RPUSD3: variants seen among roughly 807,000 people sequenced by gnomAD.
The protein encoded by RPUSD3 is mitochondrial mRNA pseudouridine synthase RPUSD3.
Under a neutral mutation model 35.1 loss-of-function variants are expected in RPUSD3, and 36 were observed. The ratio of observed to expected loss-of-function variants is 1.02; its 90% CI spans 0.79 to 1.35. The LOEUF (loss-of-function observed/expected upper bound fraction) is 1.35, where lower values mean the gene tolerates loss of function less well. RPUSD3 is among the 40% of genes most tolerant of loss of function. RPUSD3 has a pLI of 0.00. For missense variants in RPUSD3, 486 were observed against 441.9 expected, an observed-to-expected ratio of 1.10 and a Z score of -0.89; for synonymous variants, 202 against 187.8, an observed-to-expected ratio of 1.08 and a Z score of -0.62.
At chr3:9,840,781 G>A (rs997740938) in exon 5 of RPUSD3, 1 of 1,614,020 alleles carries the variant, frequency 6.2e-7, no homozygotes, top group Non-Finnish European at 8.5e-7. Context: ...GACAGCTGGA[G>A]AGGAGTACAA....
chr3:9,840,937 G>C (rs560111824), intron 4 of RPUSD3, 132 bp from the exon 5 acceptor site: 2 of 599,190 alleles, frequency 3.3e-6, no homozygotes, highest in South Asian at 4.4e-5. Flanking sequence ...CAACTCCTGA[G>C]AAACAAGTAA....
rs1410812833 is a variant in RPUSD3, at chr3:9,843,778, CAG to C, written c.125+110_125+111del. Reference sequence around the variant, plus strand: ...TTCTACAGCGGAGGGCACCGAGGCTCAGAGAGGCCAACGGGGCTGTTTTCGGG... The same window carrying C: ...TTCTACAGCGGAGGGCACCGAGGCTCAGAGGCCAACGGGGCTGTTTTCGGG... On this transcript the variant is annotated intron_variant, in intron 1 of 8. Transcript: ENST00000383820. 8 of 1,545,826 alleles carry C rather than the reference CAG, an allele frequency of 5.2e-6. No homozygotes were observed. The African/African-American group carries it at 5.5e-5, about 11-fold the overall frequency.
intron 4 of RPUSD3, chr3:9,841,679 G>C (rs2082106797): frequency 4.3e-6 from 1 of 234,084 alleles, no homozygotes; most frequent in Non-Finnish European, 8.4e-6. Flanking sequence ...ATTTTGCCCA[G>C]GCTGGTCTCG....
chr3:9,841,479 T>TTGTGTG (rs57641804), intron 4 of RPUSD3: 4 of 154,702 alleles, frequency 2.6e-5, no homozygotes, highest in African/African-American at 7.4e-5. Flanking sequence ...AGCTAGGTTT[T>TTGTGTG]TGTGTGTGTG....
At chr3:9,838,144 A>G in exon 9 of RPUSD3, 1 of 1,612,240 alleles carries the variant, frequency 6.2e-7, no homozygotes, top group African/African-American at 1.3e-5. Context: ...TGGAGGTGCA[A>G]GGGCAGCTGG....
At chr3:9,843,791 G>C in intron 1 of RPUSD3, 99 bp downstream of exon 1, 1 of 1,548,378 alleles carries the variant, frequency 6.5e-7, no homozygotes, top group Non-Finnish European at 8.7e-7. Flanking sequence ...AGAGGCCAAC[G>C]GGGCTGTTTT....
At chr3:9,842,307 G>T in intron 2 of RPUSD3, 64 bp from the exon 3 acceptor site, 1 of 1,516,754 alleles carries the variant, frequency 6.6e-7, no homozygotes. Context: ...GCACTAAAGA[G>T]TTTCCAGAGC....
intron 8 of RPUSD3, 57 bp from the exon 9 acceptor site, chr3:9,838,264 C>A (rs536310760): frequency 2.7e-5 from 43 of 1,567,040 alleles, no homozygotes; most frequent in Middle Eastern, 2.3e-4. Flanking sequence ...AGCTGAGTAC[C>A]CAGCTCTAAG....
chr3:9,840,570 C>T, exon 6 of RPUSD3: 2 of 1,614,080 alleles, frequency 1.2e-6, no homozygotes, highest in Non-Finnish European at 1.7e-6. Flanking sequence ...TTCAGGGCAG[C>T]CTGGATCTTC....
At chr3:9,838,062 G>A (rs778232739) in exon 9 of RPUSD3, 16 of 1,605,932 alleles carry the variant, frequency 1.0e-5, no homozygotes, top group Non-Finnish European at 1.4e-5. Context: ...GGAGAAATAA[G>A]GGGGCAGTGG....
chr3:9,841,419 A>AT (rs1454295768), intron 4 of RPUSD3: 3 of 153,648 alleles, frequency 2.0e-5, no homozygotes, highest in African/African-American at 7.3e-5. Flanking sequence ...AGCTCAGGTG[A>AT]TTCTCCCATC....
At chr3:9,843,705 C>T in intron 1 of RPUSD3, 104 bp from the exon 2 acceptor site, 1 of 1,549,734 alleles carries the variant, frequency 6.5e-7, no homozygotes, top group East Asian at 2.4e-5. Context: ...TGACAAATGC[C>T]TCACAATGTC....
chr3:9,841,493 G>GTT (rs962423748), intron 4 of RPUSD3: 4 of 160,376 alleles, frequency 2.5e-5, no homozygotes, highest in African/African-American at 9.7e-5. Context: ...GTGTGTGTGT[G>GTT]TGTGTGTTTT....
chr3:9,837,942 T>C, exon 9 of RPUSD3: 2 of 1,459,818 alleles, frequency 1.4e-6, no homozygotes, highest in South Asian at 2.8e-5. Context: ...GGATGTGATC[T>C]TAGGTTTGTC....
At chr3:9,840,603 C>T (rs1450179677) in exon 6 of RPUSD3, 16 of 1,613,712 alleles carry the variant, frequency 9.9e-6, no homozygotes, top group Admixed American at 6.7e-5. Flanking sequence ...GCTGGGATCC[C>T]ATCAGTGACA....
chr3:9,840,732 C>A, exon 5 of RPUSD3: 1 of 1,614,164 alleles, frequency 6.2e-7, no homozygotes, highest in Non-Finnish European at 8.5e-7. Context: ...GCTCTCCGTG[C>A]ATGGGTGAAG....
At chr3:9,840,506 C>T (rs548100040) in intron 6 of RPUSD3, 26 bp downstream of exon 6, 2 of 1,611,716 alleles carry the variant, frequency 1.2e-6, no homozygotes, top group East Asian at 2.2e-5. Context: ...TAGAAGCACC[C>T]CTCCTCTTCC....
intron 2 of RPUSD3, 183 bp from the exon 3 acceptor site, chr3:9,842,426 G>A (rs1160471673): frequency 3.1e-6 from 2 of 642,258 alleles, no homozygotes; most frequent in East Asian, 2.7e-5. Flanking sequence ...TCAGAGCCTC[G>A]GCACTTGCTG....
intron 7 of RPUSD3, 181 bp downstream of exon 7, chr3:9,840,003 C>G (rs2082079630): frequency 1.6e-6 from 1 of 633,270 alleles, no homozygotes; most frequent in East Asian, 3.2e-5. Flanking sequence ...GCCTCAGCCT[C>G]CCGAGTAGCT....
Sources: gnomAD v4.1 joint callset for allele counts on GRCh38, gnomAD v4.1.1 for gene constraint, MANE v1.5 for transcripts, NCBI Gene and HGNC (gene_info 2026-07-23, HGNC 2026-07-21) for gene names.